UNC5D: variants seen among roughly 807,000 people sequenced by gnomAD.
The protein encoded by UNC5D is unc-5 netrin receptor D.
UNC5D carries 39 observed loss-of-function variants against 105.4 expected under a neutral mutation model. That is an observed-to-expected ratio of 0.37 (90% CI 0.29 to 0.48). The LOEUF (loss-of-function observed/expected upper bound fraction) is 0.48, where lower values mean the gene tolerates loss of function less well. Ranked by LOEUF, UNC5D falls within the 20% of genes least tolerant of loss-of-function variation. The pLI, the probability that UNC5D is intolerant of heterozygous loss-of-function variation, is 0.98. For missense variants in UNC5D, 991 were observed against 1,202.4 expected (o/e 0.82, Z 2.60); for synonymous variants, 452 against 450.4 (o/e 1.00, Z -0.04).
rs775076619 is a variant in UNC5D, at chr8:35,722,411, C to T, written c.1303+16C>T. The T allele has an allele frequency of 5.0e-6, 8 of 1,609,862 alleles. No homozygotes were observed. Among genetic ancestry groups the T allele is most frequent in the Admixed American group, 1.7e-5 (1 of 59,760 alleles). Reference sequence around the variant, plus strand: ...GTCCGTCAAGGTCAGCGGCATAGGTCCCTCCACACCTCGTCCTCAGTGCCA... The same window carrying T: ...GTCCGTCAAGGTCAGCGGCATAGGTTCCTCCACACCTCGTCCTCAGTGCCA... On this transcript the variant is annotated intron_variant, in intron 9 of 16. Coordinates refer to ENST00000404895, the MANE Select transcript of UNC5D (RefSeq NM_080872.4).
intron 16 of UNC5D, among the ~76,000 whole-genome samples, chr8:35,777,559 C>A (rs1802310495): frequency 6.6e-6 from 1 of 152,066 alleles, no homozygotes; most frequent in Non-Finnish European, 1.5e-5. Context: ...TAAGAGCCAG[C>A]AAACTTATTT....
chr8:35,586,085 C>T (rs1446986356), intron 3 of UNC5D, among the ~76,000 whole-genome samples: 1 of 151,906 alleles, frequency 6.6e-6, no homozygotes, highest in African/African-American at 2.4e-5. Context: ...CCACCCTGGC[C>T]AACATGGAGA....
intron 1 of UNC5D, among the ~76,000 whole-genome samples, chr8:35,505,967 C>T (rs1410573517): frequency 1.3e-5 from 2 of 152,152 alleles, no homozygotes; most frequent in African/African-American, 4.8e-5. Flanking sequence ...TCACATTGTA[C>T]TTGACACTGA....
chr8:35,511,460 C>A (rs1812691322), intron 1 of UNC5D, among the ~76,000 whole-genome samples: 1 of 142,524 alleles, frequency 7.0e-6, no homozygotes. Context: ...GTAGAGAGTT[C>A]CCACCTCTAA....
intron 4 of UNC5D, among the ~76,000 whole-genome samples, chr8:35,668,626 T>C (rs944242467): frequency 1.3e-5 from 2 of 152,110 alleles, no homozygotes; most frequent in African/African-American, 4.8e-5. Flanking sequence ...CAGTTGTGAG[T>C]GAGTTAGAGA....
intron 4 of UNC5D, among the ~76,000 whole-genome samples, chr8:35,630,476 A>G (rs1821969467): frequency 6.6e-6 from 1 of 152,206 alleles, no homozygotes; most frequent in Non-Finnish European, 1.5e-5. Flanking sequence ...TGCAAAGCTA[A>G]GGCTGGTTGG....
chr8:35,566,440 C>T (rs1817341770), intron 2 of UNC5D, among the ~76,000 whole-genome samples: 1 of 152,168 alleles, frequency 6.6e-6, no homozygotes, highest in African/African-American at 2.4e-5. Context: ...TTCTTTTGGA[C>T]TTAAAGGAAA....
At chr8:35,548,277 C>A (rs998879353) in intron 1 of UNC5D, among the ~76,000 whole-genome samples, 2 of 152,190 alleles carry the variant, frequency 1.3e-5, no homozygotes, top group Middle Eastern at 3.2e-3. Context: ...AGTTTTCCTC[C>A]ATCCTAAAGA....
chr8:35,540,515 A>T (rs1815201310), intron 1 of UNC5D, among the ~76,000 whole-genome samples: 1 of 151,762 alleles, frequency 6.6e-6, no homozygotes, highest in Non-Finnish European at 1.5e-5. Flanking sequence ...AGAAACCTAA[A>T]AATAGAGAAA....
chr8:35,446,052 G>T (rs1807766240), intron 1 of UNC5D, among the ~76,000 whole-genome samples: 1 of 151,728 alleles, frequency 6.6e-6, no homozygotes, highest in Non-Finnish European at 1.5e-5. Flanking sequence ...GGTAGTATTT[G>T]GTTACCTGAG....
At chr8:35,290,583 T>A (rs975421851) in intron 1 of UNC5D, among the ~76,000 whole-genome samples, 1 of 152,186 alleles carries the variant, frequency 6.6e-6, no homozygotes, top group African/African-American at 2.4e-5. Context: ...TAGCAAGGCA[T>A]CTATAGTCAA....
At chr8:35,533,370 G>A (rs1379625008) in intron 1 of UNC5D, among the ~76,000 whole-genome samples, 1 of 152,052 alleles carries the variant, frequency 6.6e-6, no homozygotes, top group East Asian at 1.9e-4. Context: ...GGGGTCAGGG[G>A]TCAGGGACCC....
intron 1 of UNC5D, among the ~76,000 whole-genome samples, chr8:35,241,248 C>T (rs543257679): frequency 1.3e-5 from 2 of 152,368 alleles, no homozygotes; most frequent in Non-Finnish European, 2.9e-5. Context: ...TGCCACATTG[C>T]ATCGTATGGC....
At chr8:35,271,383 GTA>G (rs1805309029) in intron 1 of UNC5D, among the ~76,000 whole-genome samples, 2 of 78,652 alleles carry the variant, frequency 2.5e-5, no homozygotes, top group Admixed American at 1.5e-4. Context: ...GTATGTATAT[GTA>G]CACACATGCA....
intron 4 of UNC5D, among the ~76,000 whole-genome samples, chr8:35,658,738 G>A (rs1338096418): frequency 4.2e-5 from 6 of 141,420 alleles, no homozygotes; most frequent in South Asian, 2.5e-4. Context: ...TGCAAGCTCC[G>A]CCTCCTGGGT....
intron 1 of UNC5D, among the ~76,000 whole-genome samples, chr8:35,311,403 G>T (rs1428091237): frequency 6.6e-6 from 1 of 152,130 alleles, no homozygotes; most frequent in African/African-American, 2.4e-5. Flanking sequence ...TGCTGGACAG[G>T]CCTGGGTTTT....
intron 1 of UNC5D, among the ~76,000 whole-genome samples, chr8:35,510,277 G>C (rs936929801): frequency 6.7e-6 from 1 of 149,162 alleles, no homozygotes; most frequent in Admixed American, 6.7e-5. Context: ...AGCTACCTAG[G>C]GGGTAGCAGT....
chr8:35,314,684 G>A (rs750751603), intron 1 of UNC5D, among the ~76,000 whole-genome samples: 1 of 152,164 alleles, frequency 6.6e-6, no homozygotes, highest in Non-Finnish European at 1.5e-5. Flanking sequence ...TTGTTTTGGA[G>A]AGTCAACTCT....
chr8:35,669,263 C>G (rs1171788720), intron 4 of UNC5D, among the ~76,000 whole-genome samples: 1 of 151,988 alleles, frequency 6.6e-6, no homozygotes, highest in African/African-American at 2.4e-5. Flanking sequence ...TTTTCTATGG[C>G]CATGTTTAGT....
Sources: gnomAD v4.1 joint callset for allele counts (sites outside exome capture counted in the v4.1 genomes callset) on GRCh38, gnomAD v4.1.1 for gene constraint, MANE v1.5 for transcripts, NCBI Gene and HGNC (gene_info 2026-07-23, HGNC 2026-07-21) for gene names.